SNCG: variants seen among roughly 807,000 people sequenced by gnomAD.
SNCG encodes gamma-synuclein.
Under a neutral mutation model 16.0 loss-of-function variants are expected in SNCG, and 13 were observed. The observed-to-expected ratio is 0.81, with a 90% CI of 0.53 to 1.29. SNCG has a LOEUF of 1.29. SNCG is among the 50% of genes most tolerant of loss of function. The pLI, the probability that SNCG is intolerant of heterozygous loss-of-function variation, is 0.00. For synonymous variants in SNCG, 66 were observed against 66.3 expected, an observed-to-expected ratio of 1.00 and a Z score of 0.02; for missense variants, 154 against 168.5, an observed-to-expected ratio of 0.91 and a Z score of 0.48.
chr10:86,962,158 G>A lies in SNCG; in HGVS notation c.292-446G>A, dbSNP rs536206574. Among the ~76,000 whole-genome samples the A allele has an allele frequency of 3.9e-5, 6 of 152,278 alleles. No homozygotes were observed. The South Asian group carries it at 1.2e-3, about 32-fold the overall frequency. ...CAACACACCCCACCACTTTGAGCTC[G>A]AAGGCCCTGAGCTGCATGCCAAGCC... is the stretch of plus-strand genomic sequence containing the variant. On this transcript the variant is annotated intron_variant, in intron 3 of 4. Transcript: ENST00000372017.
intron 3 of SNCG, among the ~76,000 whole-genome samples, 190 bp from the exon 4 acceptor site, chr10:86,962,414 C>T (rs947955648): frequency 6.6e-6 from 1 of 152,094 alleles, no homozygotes; most frequent in Admixed American, 6.5e-5. Context: ...TGGAAGGCCT[C>T]GGCATCATCA....
rs1054865333 is a variant in SNCG at position 86,960,113 on chromosome 10, C to T, written c.276C>T (p.Ser92=). 1.1e-5 allele frequency: 18 copies of T among 1,612,388 alleles called. No homozygotes were observed. The highest frequency in any genetic ancestry group is 1.4e-5 in the Non-Finnish European group (17 of 1,179,310). The part of the protein sequence containing the change: ...VEEAENIAVT[S]GVVRKEDLRP... The stretch of plus-strand genomic sequence containing the variant: ...AGGCGGAGAACATCGCGGTCACCTC[C>T]GGGGTGGTGCGCAAGGTGAGCCCCG... The change falls in exon 3 of 5, where the codon TCC becomes TCT. Residue 92 remains serine, a synonymous_variant. Transcript: ENST00000372017.
chr10:86,958,497 T>TGCCAGCCAA, upstream of SNCG: 1 of 1,098,144 alleles, frequency 9.1e-7, no homozygotes, highest in Non-Finnish European at 1.2e-6. Flanking sequence ...TGAACCTCCT[T>TGCCAGCCAA]CCCTCCCTCC....
intron 3 of SNCG, 40 bp downstream of exon 3, chr10:86,960,168 G>A: frequency 1.3e-6 from 2 of 1,580,608 alleles, no homozygotes; most frequent in Middle Eastern, 1.7e-4. Context: ...CCTCTCCTGG[G>A]CCCAGAAAGG....
In SNCG at chr10:86,963,054, C is replaced by T. The variant is rs956518591; in HGVS notation, c.*69C>T. 2.0e-6 allele frequency: 3 copies of T among 1,485,894 alleles called. No homozygotes were observed. The highest frequency in any genetic ancestry group is 1.8e-6 in the Non-Finnish European group (2 of 1,092,268). The allele number at this position is 1,485,894 out of a possible 1,614,324, so 92.0% of individuals were successfully genotyped here. A position where few individuals can be genotyped will look rare whatever the true frequency, so the allele number is the denominator to read the frequency against. ...CCTTGGACACCATCCCCTCCTAGCA[C>T]AAGGAGTGCCCGCCTTGAGTGACAT... is the stretch of plus-strand genomic sequence containing the variant. On this transcript the variant is annotated 3_prime_UTR_variant, in exon 5 of 5. Transcript: ENST00000372017.
In SNCG at chr10:86,958,639, A is replaced by C; in HGVS notation, c.-59A>C. ...AGCACTCGAGCCAGCTCAAGCCCGCAGCTCGCAGGGAGATCCAGCTCCGTC... is the reference window on the plus strand; with the variant it reads ...AGCACTCGAGCCAGCTCAAGCCCGCCGCTCGCAGGGAGATCCAGCTCCGTC... On this transcript the variant is annotated 5_prime_UTR_variant, in exon 1 of 5. Transcript: ENST00000372017. The C allele has an allele frequency of 6.2e-7, 1 of 1,609,324 alleles. No homozygotes were observed. Among genetic ancestry groups the C allele is most frequent in the Non-Finnish European group, 8.5e-7 (1 of 1,178,456 alleles).
At position 86,959,961 on chromosome 10, in the gene SNCG, G is replaced by C; in HGVS notation, c.164-40G>C. The C allele has an allele frequency of 6.4e-7, 1 of 1,562,312 alleles. No individual in the cohort carries two copies. The highest frequency in any genetic ancestry group is 8.7e-7 in the Non-Finnish European group (1 of 1,153,990). ...CTGACTCCAGCAGGCCTGCCTTGGGGCTGGGGCTGGGGTGGAGGCCAGCCA... is the reference window on the plus strand; with the variant it reads ...CTGACTCCAGCAGGCCTGCCTTGGGCCTGGGGCTGGGGTGGAGGCCAGCCA... On this transcript the variant is annotated intron_variant, in intron 2 of 4. Transcript: ENST00000372017. The surrounding 1 kb of genome is among the most constrained non-coding windows in gnomAD (Gnocchi z 4.3).
In SNCG at chr10:86,960,309, AT is replaced by A. The variant is rs1366824917; in HGVS notation, c.291+183del. 7.2e-5 allele frequency among the ~76,000 whole-genome samples: 11 copies of A among 152,176 alleles called. No homozygotes were observed. In the East Asian group the frequency reaches 2.1e-3, roughly 29 times the overall value. On this transcript the variant is annotated intron_variant, in intron 3 of 4. Coordinates refer to ENST00000372017, the MANE Select transcript of SNCG (RefSeq NM_003087.3). ...GGTCCATGCTTGCTGTTCGACCTGC[AT>A]TCGGGTCTGGAATCACCACAACCAC...
chr10:86,958,886 G>A, intron 1 of SNCG, 68 bp downstream of exon 1: 1 of 1,513,466 alleles, frequency 6.6e-7, no homozygotes, highest in Non-Finnish European at 9.0e-7. Context: ...ACCTTCGCCA[G>A]ACCTTACTCC....
chr10:86,956,436 C>T (rs1056237962), upstream of SNCG, among the ~76,000 whole-genome samples: 4 of 152,128 alleles, frequency 2.6e-5, no homozygotes, highest in African/African-American at 7.2e-5. Flanking sequence ...GTAAGTTGGC[C>T]CCCCCCTCAC....
chr10:86,957,551 G>A, upstream of SNCG: 1 of 1,603,098 alleles, frequency 6.2e-7, no homozygotes, highest in Non-Finnish European at 8.5e-7. Context: ...TCTTGGTGGT[G>A]GGGCAGGCTC....
At chr10:86,958,527 G>T, upstream of SNCG, 1 of 1,122,722 alleles carries the variant, frequency 8.9e-7, no homozygotes, top group Non-Finnish European at 1.1e-6. Flanking sequence ...CGCCCCCACT[G>T]CACGCAGGGC....
rs1844302761 is a variant in SNCG, at chr10:86,959,552, C to A, written c.122-81C>A. The A allele has an allele frequency of 7.9e-7, 1 of 1,262,920 alleles. No homozygotes were observed. Among genetic ancestry groups the A allele is most frequent in the Non-Finnish European group, 1.2e-6 (1 of 867,726 alleles). The allele number at this position is 1,262,920 out of a possible 1,614,324, so 78.2% of individuals were successfully genotyped here. A position where few individuals can be genotyped will look rare whatever the true frequency, so the allele number is the denominator to read the frequency against. ...CCCCCCCACCGACCCCACAGTTTGT[C>A]CAGCTGTTCTGTTGTGTTTGTCCTG... On this transcript the variant is annotated intron_variant, in intron 1 of 4. Coordinates refer to ENST00000372017, the MANE Select transcript of SNCG (RefSeq NM_003087.3). The surrounding 1 kb of genome is among the most constrained non-coding windows in gnomAD (Gnocchi z 4.3).
intron 3 of SNCG, among the ~76,000 whole-genome samples, chr10:86,961,487 C>A (rs1844349401): frequency 2.0e-5 from 3 of 152,146 alleles, no homozygotes; most frequent in African/African-American, 7.2e-5. Context: ...ACACATAGAG[C>A]CCCAGGGGGC....
In SNCG at chr10:86,958,782, G is replaced by C. The variant is rs1341105697; in HGVS notation, c.85G>C (p.Ala29Pro). 3 of 1,613,128 alleles carry C rather than the reference G, an allele frequency of 1.9e-6. No individual in the cohort carries two copies. The highest frequency in any genetic ancestry group is 2.7e-5 in the African/African-American group (2 of 75,070). ...AAAGACCAAGCAGGGGGTGACGGAAGCAGCTGAGAAGACCAAGGAGGGGGT... is the reference window on the plus strand; with the variant it reads ...AAAGACCAAGCAGGGGGTGACGGAACCAGCTGAGAAGACCAAGGAGGGGGT... ...VEKTKQGVTEAAEKTKEGVMY... is the reference protein window; with the variant it reads ...VEKTKQGVTEPAEKTKEGVMY... Residue 29 changes from alanine to proline, a missense_variant, in exon 1 of 5, where the codon GCA becomes CCA. Ala to Pro is a conservative substitution (Grantham distance 27). Transcript: ENST00000372017.
chr10:86,961,125 C>T (rs916177950), intron 3 of SNCG, among the ~76,000 whole-genome samples: 3 of 152,080 alleles, frequency 2.0e-5, no homozygotes, highest in African/African-American at 7.2e-5. Context: ...CACTGAGAAT[C>T]CCTGCGTTAG....
upstream of SNCG, chr10:86,957,518 G>T: frequency 3.1e-6 from 5 of 1,612,076 alleles, no homozygotes; most frequent in Non-Finnish European, 4.2e-6. Flanking sequence ...GGCCCCCAAG[G>T]CTGAACAGCA....
intron 1 of SNCG, 35 bp downstream of exon 1, chr10:86,958,853 G>A (rs1430959238): frequency 2.0e-5 from 32 of 1,569,246 alleles, no homozygotes; most frequent in Non-Finnish European, 2.8e-5. Context: ...ACAGTGTGGT[G>A]GCCAAAGGGT....
chr10:86,958,408 G>C (rs762356063), upstream of SNCG: 13 of 985,382 alleles, frequency 1.3e-5, no homozygotes, highest in Non-Finnish European at 1.6e-5. Flanking sequence ...TGGAGGGCAC[G>C]GGGCAGGAGA....
Sources: allele counts gnomAD v4.1 joint callset (sites outside exome capture counted in the v4.1 genomes callset), GRCh38; gene constraint gnomAD v4.1.1; non-coding constraint Gnocchi (gnomAD v3.1); transcripts MANE v1.5; gene names NCBI Gene and HGNC (gene_info 2026-07-23, HGNC 2026-07-21).